The following FILIP1L variants were observed in gnomAD, a reference collection of about 807,000 sequenced individuals.
FILIP1L encodes filamin A interacting protein 1 like.
FILIP1L carries 55 observed loss-of-function variants against 96.6 expected under a neutral mutation model. The observed-to-expected ratio is 0.57, with a 90% CI of 0.46 to 0.71. The LOEUF is 0.71. Ranked by LOEUF, FILIP1L falls within the 30% of genes least tolerant of loss-of-function variation. The pLI is 0.00. For synonymous variants in FILIP1L, 467 were observed against 473.9 expected (o/e 0.99, Z 0.19); for missense variants, 1,304 against 1,321.2 (o/e 0.99, Z 0.20).
chr3:99,872,794 T>C (rs793501), intron 4 of FILIP1L, among the ~76,000 whole-genome samples: 40,311 of 151,926 alleles, frequency 0.27, 6,048 homozygotes, highest in Admixed American at 0.34. Flanking sequence ...GAAGAGGGAG[T>C]GTTTCTCATA....
chr3:100,074,587 A>G (rs1343095173), intron 1 of FILIP1L, among the ~76,000 whole-genome samples: 1 of 151,304 alleles, frequency 6.6e-6, no homozygotes. Flanking sequence ...AAACTAGTAA[A>G]AACTATGCTT....
At chr3:99,966,506 A>G (rs1168216495) in intron 1 of FILIP1L, among the ~76,000 whole-genome samples, 1 of 152,198 alleles carries the variant, frequency 6.6e-6, no homozygotes, top group African/African-American at 2.4e-5. Flanking sequence ...AGCCCCGTCA[A>G]AATAGTACGG....
intron 1 of FILIP1L, among the ~76,000 whole-genome samples, chr3:100,098,030 A>C (rs2066241247): frequency 6.6e-6 from 1 of 152,180 alleles, no homozygotes; most frequent in African/African-American, 2.4e-5. Context: ...CCACATTGCT[A>C]TTTGAAAAAT....
At chr3:99,892,111 T>C (rs994094269) in intron 4 of FILIP1L, among the ~76,000 whole-genome samples, 3 of 152,186 alleles carry the variant, frequency 2.0e-5, no homozygotes, top group Admixed American at 6.5e-5. Flanking sequence ...CTGTGAGAAA[T>C]AGAATATCAC....
At chr3:99,879,817 A>T (rs573194551) in intron 4 of FILIP1L, among the ~76,000 whole-genome samples, 1 of 152,296 alleles carries the variant, frequency 6.6e-6, no homozygotes, top group South Asian at 2.1e-4. Flanking sequence ...CCTGTATAAG[A>T]CCTGGTCTTA....
intron 1 of FILIP1L, among the ~76,000 whole-genome samples, chr3:99,994,512 A>G (rs1361458884): frequency 3.1e-4 from 47 of 152,214 alleles, no homozygotes; most frequent in Non-Finnish European, 7.3e-5. Flanking sequence ...AAATTTTTAA[A>G]AATCAAAATC....
chr3:99,886,916 GC>G (rs1261631626), intron 4 of FILIP1L, among the ~76,000 whole-genome samples: 1 of 150,202 alleles, frequency 6.7e-6, no homozygotes, highest in Non-Finnish European at 1.5e-5. Context: ...GTTGTAGTGA[GC>G]CAAGATCATG....
chr3:100,033,436 A>G lies in FILIP1L; in HGVS notation c.-11+80617T>C, dbSNP rs1288111878. Among the ~76,000 whole-genome samples the G allele has an allele frequency of 4.5e-4, 68 of 152,184 alleles. 2 individuals are homozygous for G. The highest frequency in any genetic ancestry group is 4.4e-3 in the Admixed American group (67 of 15,268). ...ATCCCCTTTGAAAATCACAGCTCCT[A>G]GAGCTTTGTGTTATCTTCTTGAAGG... On this transcript the variant is annotated intron_variant, in intron 1 of 5. Coordinates refer to ENST00000477258, the MANE Select transcript of FILIP1L (RefSeq NM_001387850.1).
chr3:100,034,167 G>A (rs1229950699), intron 1 of FILIP1L, among the ~76,000 whole-genome samples: 3 of 152,132 alleles, frequency 2.0e-5, no homozygotes, highest in Admixed American at 2.0e-4. Flanking sequence ...ATTCCATTGT[G>A]GGGAAAGTTC....
At chr3:99,907,426 T>C (rs1706654205) in intron 4 of FILIP1L, among the ~76,000 whole-genome samples, 1 of 152,066 alleles carries the variant, frequency 6.6e-6, no homozygotes, top group Non-Finnish European at 1.5e-5. Context: ...TTTTTGTATT[T>C]TTAGTAGAGA....
chr3:99,906,061 T>C (rs1706606179), intron 4 of FILIP1L, among the ~76,000 whole-genome samples: 1 of 151,994 alleles, frequency 6.6e-6, no homozygotes, highest in African/African-American at 2.4e-5. Flanking sequence ...GGCATGGTGG[T>C]GCATGCCTGT....
intron 1 of FILIP1L, chr3:100,025,684 A>ACAGAGACATT (rs1241822127): frequency 6.6e-6 from 1 of 152,196 alleles, no homozygotes; most frequent in Non-Finnish European, 1.5e-5. Flanking sequence ...CAGGTCGTCC[A>ACAGAGACATT]CAGAGACATT....
chr3:99,999,620 A>G (rs182922748), intron 1 of FILIP1L, among the ~76,000 whole-genome samples: 12 of 152,262 alleles, frequency 7.9e-5, no homozygotes, highest in African/African-American at 2.9e-4. Flanking sequence ...GGATCTCGGG[A>G]TATAGGCTTT....
chr3:99,939,598 A>G (rs983870883), intron 1 of FILIP1L, among the ~76,000 whole-genome samples: 16 of 152,202 alleles, frequency 1.1e-4, no homozygotes, highest in African/African-American at 3.6e-4. Flanking sequence ...TGGTGAAGGT[A>G]TATACTCAGG....
intron 1 of FILIP1L, among the ~76,000 whole-genome samples, chr3:100,028,576 T>G (rs1049262388): frequency 6.6e-6 from 1 of 152,178 alleles, no homozygotes; most frequent in African/African-American, 2.4e-5. Context: ...TTTTTCATTA[T>G]TTTTTAAAAA....
chr3:100,002,758 A>G (rs1014511850), intron 1 of FILIP1L, among the ~76,000 whole-genome samples: 1 of 152,212 alleles, frequency 6.6e-6, no homozygotes, highest in African/African-American at 2.4e-5. Context: ...GATGAAGCCT[A>G]GTCCCTTAGG....
chr3:99,911,729 T>A lies in FILIP1L; in HGVS notation c.605+12501A>T, dbSNP rs145821482. On this transcript the variant is annotated intron_variant, in intron 4 of 5. Transcript: ENST00000477258. Reference sequence around the variant, plus strand: ...TCTTTCTAATCAGATCCTTGAGCACTCTTGTACATGCCTCTGTTACAGCTC... The same window carrying A: ...TCTTTCTAATCAGATCCTTGAGCACACTTGTACATGCCTCTGTTACAGCTC... 5.6e-4 allele frequency among the ~76,000 whole-genome samples: 86 copies of A among 152,316 alleles called. 1 individual carries two copies. Among genetic ancestry groups the A allele is most frequent in the African/African-American group, 1.9e-3 (81 of 41,576 alleles).
intron 1 of FILIP1L, among the ~76,000 whole-genome samples, chr3:100,056,416 G>A (rs2065464416): frequency 6.6e-6 from 1 of 152,144 alleles, no homozygotes; most frequent in South Asian, 2.1e-4. Flanking sequence ...AAACAAAAGT[G>A]ATTTCATATT....
chr3:99,868,710 A>G (rs936121147), intron 4 of FILIP1L, among the ~76,000 whole-genome samples: 9 of 152,120 alleles, frequency 5.9e-5, no homozygotes, highest in Admixed American at 6.6e-5. Context: ...CTCCTTTCAT[A>G]ATAGACTTCT....
Sources: allele counts gnomAD v4.1 joint callset (sites outside exome capture counted in the v4.1 genomes callset), GRCh38; gene constraint gnomAD v4.1.1; transcripts MANE v1.5; gene names NCBI Gene and HGNC (gene_info 2026-07-23, HGNC 2026-07-21).